FRMD8: variants seen among roughly 807,000 people sequenced by gnomAD.
The protein encoded by FRMD8 is FERM domain-containing protein 8.
Under a neutral mutation model 54.2 loss-of-function variants are expected in FRMD8, and 37 were observed. The ratio of observed to expected loss-of-function variants is 0.68; its 90% CI spans 0.53 to 0.90. The LOEUF (loss-of-function observed/expected upper bound fraction) is 0.90, where lower values mean the gene tolerates loss of function less well. Among genes scored for constraint, FRMD8 ranks in the 40% least tolerant of loss-of-function variants. FRMD8 has a pLI of 0.00. For synonymous variants in FRMD8, 246 were observed against 286.9 expected, an observed-to-expected ratio of 0.86 and a Z score of 1.44; for missense variants, 585 against 653.7, an observed-to-expected ratio of 0.89 and a Z score of 1.15.
At chr11:65,387,495 AAG>A (rs1855756844) in intron 2 of FRMD8, among the ~76,000 whole-genome samples, 1 of 151,948 alleles carries the variant, frequency 6.6e-6, no homozygotes, top group African/African-American at 2.4e-5. Flanking sequence ...ACAAAAAAGA[AAG>A]TGACACGTTC....
At chr11:65,409,758 C>A (rs1387680927) in intron 10 of FRMD8, among the ~76,000 whole-genome samples, 1 of 149,246 alleles carries the variant, frequency 6.7e-6, no homozygotes, top group East Asian at 1.9e-4. Flanking sequence ...AGAGTGAGAC[C>A]CTGTCGCAAA....
In FRMD8 at chr11:65,404,031, T is replaced by C. The variant is rs1309257828; in HGVS notation, c.1072-833T>C. Among the ~76,000 whole-genome samples, 2 of 152,144 alleles carry C rather than the reference T, an allele frequency of 1.3e-5. No homozygotes were observed. The highest frequency in any genetic ancestry group is 2.9e-5 in the Non-Finnish European group (2 of 67,996). On this transcript the variant is annotated intron_variant, in intron 9 of 10. Transcript: ENST00000317568. The surrounding 1 kb of genome is among the most constrained non-coding windows in gnomAD (Gnocchi z 4.7). ...CGTGGAGAGCCCACCAGGCCTCTGCTCTTCCTTCTGGGCCGAGCAGCGGTG... is the reference window on the plus strand; with the variant it reads ...CGTGGAGAGCCCACCAGGCCTCTGCCCTTCCTTCTGGGCCGAGCAGCGGTG...
At chr11:65,379,437 C>T in the FRMD8 span, 52 of 1,613,606 alleles carry the variant, frequency 3.2e-5, no homozygotes, top group East Asian at 2.4e-4. Flanking sequence ...CGGCTGGGCC[C>T]GCCGCTCCTG....
At chr11:65,377,127 T>C in the FRMD8 span, 1 of 1,572,672 alleles carries the variant, frequency 6.4e-7, no homozygotes, top group Non-Finnish European at 8.6e-7. Flanking sequence ...GGCTGGGAAC[T>C]GGCCCCTTAT....
At chr11:65,409,933 T>A (rs1428853496) in intron 10 of FRMD8, among the ~76,000 whole-genome samples, 1 of 151,358 alleles carries the variant, frequency 6.6e-6, no homozygotes, top group Non-Finnish European at 1.5e-5. Context: ...AAAAAAACCT[T>A]AGCCATGGCT....
At chr11:65,384,380 G>C (rs574777038), upstream of FRMD8, among the ~76,000 whole-genome samples, 1 of 151,672 alleles carries the variant, frequency 6.6e-6, no homozygotes, top group African/African-American at 2.4e-5. Flanking sequence ...TCAGCCTCCC[G>C]GACTCTCTCC....
intron 9 of FRMD8, among the ~76,000 whole-genome samples, chr11:65,401,125 C>T (rs1271247068): frequency 6.6e-6 from 1 of 152,064 alleles, no homozygotes; most frequent in African/African-American, 2.4e-5. Flanking sequence ...TTGTTGAGGG[C>T]TTGCTGAGTG....
the FRMD8 span, chr11:65,368,068 TGTTTTTTTTTTTTG>T: frequency 1.9e-5 from 2 of 102,906 alleles, no homozygotes; most frequent in Non-Finnish European, 3.7e-5. Flanking sequence ...TTTTTTTTGG[TGTTTTTTTTTTTTG>T]TTTTTTTTTT....
chr11:65,406,447 G>A (rs1856199377), intron 10 of FRMD8, among the ~76,000 whole-genome samples: 1 of 151,630 alleles, frequency 6.6e-6, no homozygotes, highest in African/African-American at 2.4e-5. Context: ...ATCCGCCTTG[G>A]CCTCCCAAAG....
At chr11:65,381,695 C>T, upstream of FRMD8, 1 of 523,276 alleles carries the variant, frequency 1.9e-6, no homozygotes, top group Non-Finnish European at 3.5e-6. Context: ...GCTGGGACTA[C>T]AGGTGTGAGC....
the FRMD8 span, chr11:65,376,652 CT>C: frequency 6.2e-7 from 1 of 1,614,066 alleles, no homozygotes; most frequent in East Asian, 2.2e-5. Flanking sequence ...GCAAAGCCCC[CT>C]GCCACCAGCA....
intron 10 of FRMD8, among the ~76,000 whole-genome samples, chr11:65,407,551 A>G (rs1856229161): frequency 6.8e-6 from 1 of 146,814 alleles, no homozygotes; most frequent in African/African-American, 2.5e-5. Context: ...GCACCCGGCC[A>G]GAGATCTACA....
chr11:65,383,137 T>C (rs1342588518), upstream of FRMD8: 1 of 152,248 alleles, frequency 6.6e-6, no homozygotes, highest in South Asian at 2.1e-4. Context: ...CTGGGAAACA[T>C]CAAGGCCCAG....
the FRMD8 span, chr11:65,377,263 A>C: frequency 1.4e-6 from 2 of 1,421,712 alleles, no homozygotes; most frequent in Admixed American, 3.0e-5. Context: ...CGACCGGGAC[A>C]GGCCACCTCC....
the FRMD8 span, among the ~76,000 whole-genome samples, chr11:65,371,473 G>T: frequency 6.6e-6 from 1 of 152,208 alleles, no homozygotes; most frequent in Non-Finnish European, 1.5e-5. Context: ...CTCAAAGCAG[G>T]TTCACAGACT....
At chr11:65,369,832 A>G in the FRMD8 span, among the ~76,000 whole-genome samples, 1 of 151,706 alleles carries the variant, frequency 6.6e-6, no homozygotes, top group Admixed American at 6.6e-5. Flanking sequence ...CAGGAGTTTG[A>G]GACCAGCCTG....
At position 65,400,625 on chromosome 11, in the gene FRMD8, G is replaced by A; in HGVS notation, c.928-99G>A. On this transcript the variant is annotated intron_variant, in intron 8 of 10. Transcript: ENST00000317568. The surrounding 1 kb of genome is among the most constrained non-coding windows in gnomAD (Gnocchi z 4.3). ...CATGAACAAATGTAGACTCAGCCTT[G>A]GAGAGGCACACACCCTGGCCAGGTG... is the stretch of plus-strand genomic sequence containing the variant. 1 of 1,221,134 alleles carries A rather than the reference G, an allele frequency of 8.2e-7. No individual in the cohort carries two copies. The highest frequency in any genetic ancestry group is 1.1e-6 in the Non-Finnish European group (1 of 899,308). 75.6% of individuals were successfully genotyped at this position (1,221,134 alleles called of 1,614,324 possible).
At chr11:65,371,392 C>T in the FRMD8 span, among the ~76,000 whole-genome samples, 1 of 152,168 alleles carries the variant, frequency 6.6e-6, no homozygotes, top group Non-Finnish European at 1.5e-5. Flanking sequence ...TCCAATGGGA[C>T]TTTATTTAAC....
At chr11:65,380,670 T>G in the FRMD8 span, 11 of 1,181,790 alleles carry the variant, frequency 9.3e-6, no homozygotes, top group Middle Eastern at 2.3e-4. Flanking sequence ...CAGAGGAGCT[T>G]CTCCCCTCCC....
Sources: gnomAD v4.1 joint callset for allele counts (sites outside exome capture counted in the v4.1 genomes callset) on GRCh38, gnomAD v4.1.1 for gene constraint, Gnocchi (gnomAD v3.1) non-coding constraint, MANE v1.5 for transcripts, NCBI Gene and HGNC (gene_info 2026-07-23, HGNC 2026-07-21) for gene names.